ANXA2: variants seen among roughly 807,000 people sequenced by gnomAD.
ANXA2 encodes annexin A2, also known as annexin II.
A neutral mutation model predicts 47.3 loss-of-function variants in ANXA2; 28 were observed. That is an observed-to-expected ratio of 0.59 (90% CI 0.44 to 0.81). The LOEUF is 0.81. ANXA2 is among the 40% of genes least tolerant of loss of function. The pLI is 0.00. For missense variants in ANXA2, 384 were observed against 414.3 expected (o/e 0.93, Z 0.64); for synonymous variants, 172 against 155.5 (o/e 1.11, Z -0.79).
chr15:60,357,387 C>A, intron 5 of ANXA2, 151 bp from the exon 6 acceptor site: 1 of 628,632 alleles, frequency 1.6e-6, no homozygotes. Flanking sequence ...TACTCCTACC[C>A]CTTAGCACAA....
chr15:60,387,972 G>A (rs910810875), intron 1 of ANXA2, among the ~76,000 whole-genome samples: 7 of 152,044 alleles, frequency 4.6e-5, no homozygotes, highest in Admixed American at 2.6e-4. Context: ...GGCAGATCAC[G>A]AGGTCAGGAG....
chr15:60,397,933 C>A lies in ANXA2; in HGVS notation c.-12+10G>T. 7.6e-7 allele frequency: 1 copy of A among 1,319,242 alleles called. No individual in the cohort carries two copies. The highest frequency in any genetic ancestry group is 2.1e-5 in the South Asian group (1 of 48,478). 81.7% of individuals were successfully genotyped at this position (1,319,242 alleles called of 1,614,324 possible). Reference sequence around the variant, plus strand: ...GCCCATCGCGGGCGGGCAGGGCGCGCCCCGCTTACCTGGGCCGTGCGCCGA... The same window carrying A: ...GCCCATCGCGGGCGGGCAGGGCGCGACCCGCTTACCTGGGCCGTGCGCCGA... On this transcript the variant is annotated intron_variant, in intron 1 of 12. Coordinates refer to ENST00000451270, the MANE Select transcript of ANXA2 (RefSeq NM_004039.3).
At chr15:60,377,883 T>C (rs1286175226) in intron 3 of ANXA2, among the ~76,000 whole-genome samples, 1 of 151,624 alleles carries the variant, frequency 6.6e-6, no homozygotes, top group Non-Finnish European at 1.5e-5. Flanking sequence ...AGGTCAGGAG[T>C]GCGAGACGAG....
intron 3 of ANXA2, among the ~76,000 whole-genome samples, chr15:60,381,733 T>C (rs1015494538): frequency 6.6e-6 from 1 of 152,086 alleles, no homozygotes; most frequent in Non-Finnish European, 1.5e-5. Flanking sequence ...GTCTGAATTT[T>C]TCACTCTCTA....
At chr15:60,390,192 T>G in intron 1 of ANXA2, 1 of 812,306 alleles carries the variant, frequency 1.2e-6, no homozygotes, top group Non-Finnish European at 1.5e-6. Flanking sequence ...AACATCACAA[T>G]AACCACAAAG....
intron 3 of ANXA2, 61 bp from the exon 4 acceptor site, chr15:60,364,584 G>A (rs763619556): frequency 2.6e-5 from 35 of 1,343,264 alleles, no homozygotes; most frequent in Non-Finnish European, 3.5e-5. Flanking sequence ...GGCTTACATA[G>A]AAGGTGTCAA....
intron 11 of ANXA2, 112 bp downstream of exon 11, chr15:60,351,081 C>T: frequency 9.7e-7 from 1 of 1,035,198 alleles, no homozygotes; most frequent in Non-Finnish European, 1.5e-6. Flanking sequence ...GTTCCTGCAT[C>T]CACACAGTGG....
intron 3 of ANXA2, among the ~76,000 whole-genome samples, chr15:60,366,236 A>T (rs2062598083): frequency 6.6e-6 from 1 of 150,738 alleles, no homozygotes; most frequent in East Asian, 2.0e-4. Context: ...CCTCCCAAAG[A>T]GCCCAGATTG....
chr15:60,351,147 A>G (rs778503480), intron 11 of ANXA2, 46 bp downstream of exon 11: 11 of 1,601,782 alleles, frequency 6.9e-6, no homozygotes, highest in Middle Eastern at 1.7e-4. Context: ...CCAAAAGAAG[A>G]AAAGCTGAGT....
chr15:60,357,881 G>C, intron 5 of ANXA2, among the ~76,000 whole-genome samples: 1 of 151,502 alleles, frequency 6.6e-6, no homozygotes, highest in East Asian at 1.9e-4. Flanking sequence ...GCTGTGGGTA[G>C]ATAAAGTAAC....
intron 4 of ANXA2, among the ~76,000 whole-genome samples, chr15:60,363,456 C>T (rs182366066): frequency 6.6e-6 from 1 of 152,294 alleles, no homozygotes; most frequent in East Asian, 1.9e-4. Context: ...CCTTCCAGCT[C>T]ACCTCCACTG....
At position 60,347,453 on chromosome 15, in the gene ANXA2, A is replaced by G; in HGVS notation, c.*177T>C. The G allele has an allele frequency of 1.6e-6, 1 of 621,660 alleles. No individual in the cohort carries two copies. The highest frequency in any genetic ancestry group is 2.8e-6 in the Non-Finnish European group (1 of 351,880). 38.5% of individuals were successfully genotyped at this position (621,660 alleles called of 1,614,324 possible). On this transcript the variant is annotated 3_prime_UTR_variant, in exon 13 of 13. Transcript: ENST00000451270. The stretch of plus-strand genomic sequence containing the variant: ...AATGTTCATTTCTTTGGCTTACAGG[A>G]GAGACTAGACAGGAAGGCCAGGCAA...
intron 1 of ANXA2, chr15:60,393,011 A>G (rs1294154701): frequency 7.8e-7 from 1 of 1,282,742 alleles, no homozygotes; most frequent in Non-Finnish European, 1.0e-6. Flanking sequence ...TCCTCCACCC[A>G]CCTACTGCAT....
intron 11 of ANXA2, among the ~76,000 whole-genome samples, chr15:60,349,790 AAGAG>A (rs1290532017): frequency 1.4e-5 from 2 of 142,000 alleles, no homozygotes; most frequent in Non-Finnish European, 3.1e-5. Context: ...AGGAGAGAGA[AAGAG>A]AGAAGAAAGG....
chr15:60,384,540 G>A (rs943094126), intron 2 of ANXA2: 2 of 152,126 alleles, frequency 1.3e-5, no homozygotes, highest in African/African-American at 4.8e-5. Flanking sequence ...AACTTCAGAG[G>A]CTACACAAAA....
At chr15:60,362,550 C>G (rs1264743155) in intron 4 of ANXA2, 2 of 152,242 alleles carry the variant, frequency 1.3e-5, no homozygotes, top group Non-Finnish European at 2.9e-5. Context: ...GGCCTAGGTT[C>G]TTCAAGCTCA....
intron 1 of ANXA2, chr15:60,393,187 TTGTCTCTTCTG>T (rs1215701503): frequency 8.2e-7 from 1 of 1,216,226 alleles, no homozygotes; most frequent in Non-Finnish European, 1.0e-6. Flanking sequence ...TTGCTCCAGC[TTGTCTCTTCTG>T]TGGCCTGATC....
At chr15:60,393,980 C>A (rs889594213) in intron 1 of ANXA2, among the ~76,000 whole-genome samples, 4 of 152,170 alleles carry the variant, frequency 2.6e-5, no homozygotes, top group African/African-American at 9.7e-5. Flanking sequence ...CTGGACATTT[C>A]GAATGCAGTT....
chr15:60,392,566 T>G (rs962967535), intron 1 of ANXA2, among the ~76,000 whole-genome samples: 13 of 152,272 alleles, frequency 8.5e-5, no homozygotes, highest in African/African-American at 3.1e-4. Flanking sequence ...AAAAGAAAAC[T>G]TAAAAGTCAA....
Sources: gnomAD v4.1 joint callset for allele counts (sites outside exome capture counted in the v4.1 genomes callset) on GRCh38, gnomAD v4.1.1 for gene constraint, MANE v1.5 for transcripts, NCBI Gene and HGNC (gene_info 2026-07-23, HGNC 2026-07-21) for gene names.